CXCL13: variants seen among roughly 807,000 people sequenced by gnomAD.
The protein encoded by CXCL13 is C-X-C motif chemokine 13.
CXCL13 carries 7 observed loss-of-function variants against 12.2 expected under a neutral mutation model. The ratio of observed to expected loss-of-function variants is 0.57; its 90% CI spans 0.33 to 1.07. The LOEUF (loss-of-function observed/expected upper bound fraction) is 1.07. Among genes scored for constraint, CXCL13 ranks in the 50% least tolerant of loss-of-function variants. The probability of loss-of-function intolerance (pLI) is 0.04; values close to 1 mark genes in which losing one functional copy is unlikely to be tolerated. For missense variants in CXCL13, 113 were observed against 127.4 expected (o/e 0.89, Z 0.55); for synonymous variants, 47 against 42.4 (o/e 1.11, Z -0.42).
intron 1 of CXCL13, among the ~76,000 whole-genome samples, chr4:77,537,632 C>G (rs1005946372): frequency 6.6e-6 from 1 of 152,174 alleles, no homozygotes; most frequent in African/African-American, 2.4e-5. Flanking sequence ...TTTTCTATTA[C>G]AGAGTGTGTA....
At chr4:77,582,640 G>C (rs1428801487) in intron 1 of CXCL13, among the ~76,000 whole-genome samples, 1 of 152,182 alleles carries the variant, frequency 6.6e-6, no homozygotes, top group African/African-American at 2.4e-5. Flanking sequence ...GATCTTGCAG[G>C]TCATGGTAAG....
intron 1 of CXCL13, among the ~76,000 whole-genome samples, chr4:77,525,657 A>T (rs1023245657): frequency 5.7e-4 from 86 of 152,184 alleles, no homozygotes; most frequent in Non-Finnish European, 6.6e-4. Flanking sequence ...GAAGGAATTA[A>T]CATGTACATG....
intron 3 of CXCL13, 68 bp from the exon 4 acceptor site, chr4:77,610,920 C>T: frequency 1.4e-6 from 2 of 1,425,642 alleles, no homozygotes; most frequent in Non-Finnish European, 2.0e-6. Flanking sequence ...CCGGTATCTC[C>T]AGAGGAAAGC....
intron 1 of CXCL13, among the ~76,000 whole-genome samples, chr4:77,573,548 C>A (rs1232508820): frequency 6.6e-6 from 1 of 151,710 alleles, no homozygotes; most frequent in African/African-American, 2.4e-5. Context: ...CTTAAGTTCA[C>A]TAAAATTTAA....
At chr4:77,570,774 G>T (rs1009901744) in intron 1 of CXCL13, among the ~76,000 whole-genome samples, 6 of 149,500 alleles carry the variant, frequency 4.0e-5, no homozygotes, top group African/African-American at 1.3e-4. Flanking sequence ...GGCCGGCCCT[G>T]CCGGCCCTGG....
chr4:77,601,533 T>C (rs1305621063), upstream of CXCL13, among the ~76,000 whole-genome samples: 3 of 152,202 alleles, frequency 2.0e-5, no homozygotes, highest in Non-Finnish European at 4.4e-5. Flanking sequence ...ATGATCAGCG[T>C]CAAAGAAGAA....
At chr4:77,517,636 C>CT (rs1560512327) in intron 1 of CXCL13, among the ~76,000 whole-genome samples, 1 of 152,126 alleles carries the variant, frequency 6.6e-6, no homozygotes, top group Admixed American at 6.5e-5. Flanking sequence ...CAGCCCCTGC[C>CT]TTTTTTTGTT....
chr4:77,553,758 G>A lies in CXCL13; in HGVS notation c.-43+41970G>A, dbSNP rs75246300. On this transcript the variant is annotated intron_variant, in intron 1 of 4. Coordinates refer to the CXCL13 transcript ENST00000286758. ...AGAGTTGATCTTTGTGTACTACCTC[G>A]CTGTTTCCGAGTGGATGAGGCATGC... 4.5e-3 allele frequency among the ~76,000 whole-genome samples: 685 copies of A among 152,216 alleles called. 19 individuals are homozygous for A. The highest frequency in any genetic ancestry group is 0.027 in the East Asian group (142 of 5,180).
At chr4:77,516,994 C>T (rs1049828420) in intron 1 of CXCL13, among the ~76,000 whole-genome samples, 8 of 152,086 alleles carry the variant, frequency 5.3e-5, no homozygotes, top group East Asian at 1.9e-4. Flanking sequence ...CCCAGAGATT[C>T]TGGTATCTTG....
At chr4:77,521,515 T>A (rs1298242190) in intron 1 of CXCL13, among the ~76,000 whole-genome samples, 1 of 152,222 alleles carries the variant, frequency 6.6e-6, no homozygotes, top group Non-Finnish European at 1.5e-5. Flanking sequence ...GAGGTGTTTA[T>A]AGTATTCTCT....
upstream of CXCL13, among the ~76,000 whole-genome samples, chr4:77,604,677 C>T (rs1463864772): frequency 3.9e-5 from 6 of 152,156 alleles, no homozygotes; most frequent in East Asian, 1.2e-3. Context: ...TGCGTTCAGG[C>T]TGACTGGAGA....
chr4:77,515,064 A>G (rs1282140001), intron 1 of CXCL13, among the ~76,000 whole-genome samples: 1 of 152,160 alleles, frequency 6.6e-6, no homozygotes, highest in Admixed American at 6.6e-5. Flanking sequence ...TAAATAGGGA[A>G]TCCTTTCCCC....
chr4:77,522,393 G>A (rs1464926518), intron 1 of CXCL13, among the ~76,000 whole-genome samples: 1 of 151,632 alleles, frequency 6.6e-6, no homozygotes, highest in Non-Finnish European at 1.5e-5. Context: ...ATATATATTT[G>A]GGATATTTAG....
Position 77,584,764 on chromosome 4 carries a change from T to A in CXCL13, c.-42-21060T>A, listed in dbSNP as rs1307320979. Among the ~76,000 whole-genome samples, 4 of 152,166 alleles carry A rather than the reference T, an allele frequency of 2.6e-5. No individual in the cohort carries two copies. The East Asian group carries it at 7.7e-4, about 29-fold the overall frequency. ...CCTGGAAAAAAGCTGGAAAGTCCAG[T>A]CAAGGGCTTCTGCCCCTCAGGCGAG... On this transcript the variant is annotated intron_variant, in intron 1 of 4. Transcript: ENST00000286758.
At chr4:77,587,045 C>T (rs1343467283) in intron 1 of CXCL13, among the ~76,000 whole-genome samples, 3 of 152,160 alleles carry the variant, frequency 2.0e-5, no homozygotes, top group Non-Finnish European at 4.4e-5. Context: ...GCGGCTGCTG[C>T]TTAGTCACTC....
intron 1 of CXCL13, among the ~76,000 whole-genome samples, chr4:77,562,686 G>A (rs561898292): frequency 1.4e-4 from 20 of 142,916 alleles, no homozygotes; most frequent in African/African-American, 5.8e-4. Flanking sequence ...CTAGCTAAAG[G>A]ATTGTAAACA....
At chr4:77,590,103 G>T (rs1726570951) in intron 1 of CXCL13, among the ~76,000 whole-genome samples, 2 of 152,126 alleles carry the variant, frequency 1.3e-5, no homozygotes, top group African/African-American at 4.8e-5. Context: ...GGAGTTCCAA[G>T]GTAGTCAGAG....
chr4:77,567,384 A>C (rs1725964898), intron 1 of CXCL13, among the ~76,000 whole-genome samples: 1 of 152,336 alleles, frequency 6.6e-6, no homozygotes, highest in East Asian at 1.9e-4. Context: ...GGATTCCAAG[A>C]CATGTCCCAA....
At chr4:77,566,154 G>A (rs1404907997) in intron 1 of CXCL13, among the ~76,000 whole-genome samples, 1 of 152,200 alleles carries the variant, frequency 6.6e-6, no homozygotes, top group Non-Finnish European at 1.5e-5. Context: ...ATAAAAGTAT[G>A]TGTCAGCAGG....
Sources: gnomAD v4.1 joint callset for allele counts (sites outside exome capture counted in the v4.1 genomes callset) on GRCh38, gnomAD v4.1.1 for gene constraint, MANE v1.5 for transcripts, NCBI Gene and HGNC (gene_info 2026-07-23, HGNC 2026-07-21) for gene names.